The following VPS13B variants were observed in gnomAD, a reference collection of about 807,000 sequenced individuals.
The protein encoded by VPS13B is intermembrane lipid transfer protein VPS13B.
VPS13B carries 285 observed loss-of-function variants against 426.4 expected under a neutral mutation model. The ratio of observed to expected loss-of-function variants is 0.67; its 90% CI spans 0.61 to 0.74. VPS13B has a LOEUF of 0.74. Ranked by LOEUF, VPS13B falls within the 30% of genes least tolerant of loss-of-function variation. VPS13B has a pLI of 0.00. For missense variants in VPS13B, 4,537 were observed against 4,782.6 expected, an observed-to-expected ratio of 0.95 and a Z score of 1.51; for synonymous variants, 1,676 against 1,676.4, an observed-to-expected ratio of 1.00 and a Z score of 0.01.
At chr8:99,826,090 T>G (rs899841339) in intron 51 of VPS13B, among the ~76,000 whole-genome samples, 4 of 152,216 alleles carry the variant, frequency 2.6e-5, no homozygotes, top group African/African-American at 9.7e-5. Context: ...AAAGTAGTTT[T>G]TTCTAATTCT....
intron 17 of VPS13B, among the ~76,000 whole-genome samples, chr8:99,196,229 A>G (rs1339520858): frequency 6.6e-6 from 1 of 151,724 alleles, no homozygotes; most frequent in Non-Finnish European, 1.5e-5. Flanking sequence ...TTCTTTTATC[A>G]GTGTTTTATA....
chr8:99,866,865 T>C (rs1308934239), intron 58 of VPS13B, among the ~76,000 whole-genome samples: 3 of 152,182 alleles, frequency 2.0e-5, no homozygotes, highest in Non-Finnish European at 4.4e-5. Flanking sequence ...GCGCCAGGCC[T>C]GACTGTCTGT....
rs778855307 is a variant in VPS13B, at chr8:99,784,514, G to A, written c.7941+38G>A. The A allele has an allele frequency of 9.9e-5, 160 of 1,612,658 alleles. 2 individuals are homozygous for A. In the South Asian group the frequency reaches 1.7e-3, roughly 18 times the overall value. On this transcript the variant is annotated intron_variant, in intron 43 of 61. Transcript: ENST00000357162. ...CACCCTTACAAACAGCCATTGTTAAGGTTGGGGATTCATTTCTTCTGCACT... is the reference window on the plus strand; with the variant it reads ...CACCCTTACAAACAGCCATTGTTAAAGTTGGGGATTCATTTCTTCTGCACT...
At chr8:99,179,897 C>A (rs999379167) in intron 16 of VPS13B, among the ~76,000 whole-genome samples, 9 of 151,936 alleles carry the variant, frequency 5.9e-5, no homozygotes, top group African/African-American at 2.2e-4. Flanking sequence ...CAAGTTCTAT[C>A]TCCTATTAGC....
At chr8:99,171,052 C>A (rs961016500) in intron 16 of VPS13B, among the ~76,000 whole-genome samples, 1 of 151,572 alleles carries the variant, frequency 6.6e-6, no homozygotes, top group African/African-American at 2.4e-5. Flanking sequence ...AATAATCGCT[C>A]ATATTTTCAA....
intron 18 of VPS13B, 92 bp from the exon 19 acceptor site, chr8:99,274,989 T>A: frequency 9.1e-7 from 1 of 1,094,636 alleles, no homozygotes; most frequent in Admixed American, 2.9e-5. Context: ...AGTTGAAATG[T>A]TATATTATGG....
intron 35 of VPS13B, among the ~76,000 whole-genome samples, chr8:99,695,420 A>C (rs1472785002): frequency 7.2e-4 from 109 of 150,782 alleles, no homozygotes; most frequent in East Asian, 4.3e-3. Context: ...AAACTGGAAA[A>C]CATCATTCTC....
chr8:99,818,683 G>A lies in VPS13B; in HGVS notation c.8446-30G>A, dbSNP rs560266702. 68 of 1,612,814 alleles carry A rather than the reference G, an allele frequency of 4.2e-5. No individual in the cohort carries two copies. In the South Asian group the frequency reaches 6.6e-4, roughly 16 times the overall value. ...TGGAATACTGCAACAAAGCAAATAT[G>A]AAAGTTGTTCTATCCTTTTATTTTT... On this transcript the variant is annotated intron_variant, in intron 46 of 61. Transcript: ENST00000357162.
chr8:99,642,086 C>T lies in VPS13B; in HGVS notation c.5496C>T (p.Ser1832=). 2 of 1,614,002 alleles carry T rather than the reference C, an allele frequency of 1.2e-6. No homozygotes were observed. Among genetic ancestry groups the T allele is most frequent in the Non-Finnish European group, 1.7e-6 (2 of 1,179,986 alleles). ...SLMTYSCMAL[S]KSKSQEQKNN... ...TGACCTATTCCTGTATGGCCTTATC[C>T]AAATCGAAATCACAAGAACAGAAGA... Residue 1832 remains serine, a synonymous_variant, in exon 34 of 62, where the codon TCC becomes TCT. Coordinates refer to ENST00000357162, the MANE Select transcript of VPS13B (RefSeq NM_152564.5).
intron 39 of VPS13B, among the ~76,000 whole-genome samples, chr8:99,736,010 A>G (rs1350101908): frequency 1.2e-4 from 18 of 152,270 alleles, no homozygotes; most frequent in Non-Finnish European, 2.6e-4. Flanking sequence ...AATCCTCAAT[A>G]CACTGTTAAG....
Position 99,442,615 on chromosome 8 carries a change from C to T in VPS13B, c.3425C>T (p.Pro1142Leu). The change falls in exon 23 of 62, where the codon CCA becomes CTA. Residue 1142 changes from proline to leucine, a missense_variant. Transcript: ENST00000357162. ...CTGCAGGAGATTCCATTTGTTATCC[C>T]ACGACCCATCCTTGAAGAAGGTATA... Reference protein sequence around the residue: ...EPLQEIPFVIPRPILEEGDAF... With the variant: ...EPLQEIPFVILRPILEEGDAF... 1.2e-6 allele frequency: 2 copies of T among 1,613,838 alleles called. No homozygotes were observed. Among genetic ancestry groups the T allele is most frequent in the Non-Finnish European group, 1.7e-6 (2 of 1,179,842 alleles).
At position 99,821,164 on chromosome 8, in the gene VPS13B, A is replaced by ACACC; in HGVS notation, c.8995-129_8995-126dup. 4 of 552,346 alleles carry ACACC rather than the reference A, an allele frequency of 7.2e-6. No homozygotes were observed. In the South Asian group the frequency reaches 7.4e-5, roughly 10 times the overall value. The allele number at this position is 552,346 out of a possible 1,614,324, so 34.2% of individuals were successfully genotyped here. ...CACACACACACACACACACACACAC[A>ACACC]CACCATGGAGGGATATTTGGTTACC... On this transcript the variant is annotated intron_variant, in intron 49 of 61. Coordinates refer to ENST00000357162, the MANE Select transcript of VPS13B (RefSeq NM_152564.5).
At chr8:99,744,178 C>T (rs544165063) in intron 39 of VPS13B, among the ~76,000 whole-genome samples, 21 of 152,110 alleles carry the variant, frequency 1.4e-4, no homozygotes, top group East Asian at 3.9e-4. Flanking sequence ...AGACGCTTCT[C>T]GAAAGAAGAC....
At chr8:99,147,457 C>T (rs1318690602) in intron 13 of VPS13B, among the ~76,000 whole-genome samples, 3 of 152,098 alleles carry the variant, frequency 2.0e-5, no homozygotes, top group African/African-American at 7.2e-5. Context: ...GCTGTGGATA[C>T]AAGTCCCTCA....
At chr8:99,304,740 A>T (rs1421437422) in intron 19 of VPS13B, among the ~76,000 whole-genome samples, 3 of 152,180 alleles carry the variant, frequency 2.0e-5, no homozygotes, top group Non-Finnish European at 4.4e-5. Context: ...CCTAGGGATC[A>T]TCCTAAACGT....
chr8:99,328,469 G>A (rs1429000534), intron 19 of VPS13B, among the ~76,000 whole-genome samples: 1 of 152,128 alleles, frequency 6.6e-6, no homozygotes, highest in Non-Finnish European at 1.5e-5. Flanking sequence ...TATGAAGTAG[G>A]GGAAGCAAGG....
chr8:99,467,662 A>G, intron 24 of VPS13B, 28 bp downstream of exon 24: 1 of 1,598,026 alleles, frequency 6.3e-7, no homozygotes, highest in South Asian at 1.1e-5. Flanking sequence ...ATGAAAGGAA[A>G]TTTAAAGTAA....
At chr8:99,250,074 G>A (rs1473104526) in intron 17 of VPS13B, among the ~76,000 whole-genome samples, 2 of 152,160 alleles carry the variant, frequency 1.3e-5, no homozygotes, top group Non-Finnish European at 2.9e-5. Flanking sequence ...TAGATGTGTA[G>A]TGATATCTCA....
At chr8:99,719,504 C>T (rs779663573) in intron 37 of VPS13B, among the ~76,000 whole-genome samples, 7 of 152,188 alleles carry the variant, frequency 4.6e-5, no homozygotes, top group Non-Finnish European at 8.8e-5. Flanking sequence ...CTTACCCACA[C>T]GATATGGGGC....
Sources: gnomAD v4.1 joint callset for allele counts (sites outside exome capture counted in the v4.1 genomes callset) on GRCh38, gnomAD v4.1.1 for gene constraint, MANE v1.5 for transcripts, NCBI Gene and HGNC (gene_info 2026-07-23, HGNC 2026-07-21) for gene names.